Variants in HIVEP3 observed in about 807,000 individuals in gnomAD.
HIVEP3 encodes the protein transcription factor HIVEP3.
A neutral mutation model predicts 152.8 loss-of-function variants in HIVEP3; 49 were observed. The ratio of observed to expected loss-of-function variants is 0.32; its 90% CI spans 0.26 to 0.41. The LOEUF (loss-of-function observed/expected upper bound fraction) is 0.41, where lower values mean the gene tolerates loss of function less well. Ranked by LOEUF, HIVEP3 falls within the 10% of genes least tolerant of loss-of-function variation. The pLI is 1.00. For missense variants in HIVEP3, 2,790 were observed against 3,103.3 expected (o/e 0.90, Z 2.40); for synonymous variants, 1,269 against 1,289.0 (o/e 0.98, Z 0.33).
chr1:41,782,457 G>C (rs1649099614), intron 1 of HIVEP3, among the ~76,000 whole-genome samples: 1 of 152,180 alleles, frequency 6.6e-6, no homozygotes, highest in East Asian at 1.9e-4. Flanking sequence ...AATGGGGCCG[G>C]GCATGGTGGC....
chr1:41,776,880 T>G (rs1180215933), intron 1 of HIVEP3, among the ~76,000 whole-genome samples: 1 of 152,064 alleles, frequency 6.6e-6, no homozygotes, highest in Non-Finnish European at 1.5e-5. Flanking sequence ...TCACTGTGAG[T>G]GTAGTGGGTG....
chr1:41,527,219 C>CACTCCACACCCCGCCCTT, intron 5 of HIVEP3, among the ~76,000 whole-genome samples: 7 of 55,696 alleles, frequency 1.3e-4, no homozygotes, highest in South Asian at 6.5e-4. Context: ...CTCACCCTCA[C>CACTCCACACCCCGCCCTT]ACACTCACCC....
At chr1:42,020,453 G>T (rs1297531045) in intron 1 of HIVEP3, among the ~76,000 whole-genome samples, 1 of 149,762 alleles carries the variant, frequency 6.7e-6, no homozygotes, top group South Asian at 2.2e-4. Context: ...CAGGTTTTTT[G>T]GAATTTGTTT....
Position 41,763,678 on chromosome 1 carries a change from A to G in HIVEP3, c.-800-62683T>C, listed in dbSNP as rs541942360. Among the ~76,000 whole-genome samples the G allele has an allele frequency of 2.0e-5, 3 of 152,380 alleles. No individual in the cohort carries two copies. In the South Asian group the frequency reaches 6.2e-4, roughly 32 times the overall value. The stretch of plus-strand genomic sequence containing the variant: ...TTAGTATGTACAAAATATATCATAT[A>G]GTAATGCTGGAGTACGTTCTCAAAA... On this transcript the variant is annotated intron_variant, in intron 1 of 8. Coordinates refer to ENST00000372583, the MANE Select transcript of HIVEP3 (RefSeq NM_024503.5).
At chr1:42,024,812 A>G (rs1032071729) in intron 1 of HIVEP3, among the ~76,000 whole-genome samples, 2 of 152,188 alleles carry the variant, frequency 1.3e-5, no homozygotes, top group African/African-American at 4.8e-5. Context: ...GGCAAACTCC[A>G]CATTGTTCTT....
At chr1:41,850,903 T>C (rs1219329029) in intron 1 of HIVEP3, among the ~76,000 whole-genome samples, 1 of 152,194 alleles carries the variant, frequency 6.6e-6, no homozygotes, top group Non-Finnish European at 1.5e-5. Context: ...AACTTGGACC[T>C]GTGCTGGTCC....
At chr1:42,027,921 T>C (rs1645591763) in intron 1 of HIVEP3, among the ~76,000 whole-genome samples, 1 of 152,128 alleles carries the variant, frequency 6.6e-6, no homozygotes. Flanking sequence ...CCACAACATG[T>C]GGGAATTCTG....
At chr1:41,525,799 T>A (rs901420164) in intron 5 of HIVEP3, among the ~76,000 whole-genome samples, 6 of 152,120 alleles carry the variant, frequency 3.9e-5, no homozygotes, top group Non-Finnish European at 8.8e-5. Context: ...GAAGCTGTCT[T>A]GTTGGTCTAA....
chr1:41,508,983 C>G lies in HIVEP3; in HGVS notation c.*1468G>C, dbSNP rs1202416994. 2 of 152,246 alleles carry G rather than the reference C, an allele frequency of 1.3e-5. No homozygotes were observed. Among genetic ancestry groups the G allele is most frequent in the African/African-American group, 2.4e-5 (1 of 41,458 alleles). 9.4% of individuals were successfully genotyped at this position (152,246 alleles called of 1,614,324 possible). A position where few individuals can be genotyped will look rare whatever the true frequency, so the allele number is the denominator to read the frequency against. ...CAGTTGGGGCGAACACGCTAGAGTT[C>G]AAGTTCCATAGTTCAATTTGGGATT... On this transcript the variant is annotated 3_prime_UTR_variant, in exon 9 of 9. Transcript: ENST00000372583.
chr1:41,900,946 T>C (rs1644611613), intron 1 of HIVEP3, among the ~76,000 whole-genome samples: 1 of 152,048 alleles, frequency 6.6e-6, no homozygotes, highest in Non-Finnish European at 1.5e-5. Flanking sequence ...TTAGGGCCCA[T>C]GCAAACATTC....
At chr1:41,968,972 G>A (rs1645214072) in intron 1 of HIVEP3, among the ~76,000 whole-genome samples, 4 of 152,070 alleles carry the variant, frequency 2.6e-5, no homozygotes, top group Admixed American at 2.6e-4. Flanking sequence ...GCTACAAAGA[G>A]AATAAAATAT....
intron 2 of HIVEP3, among the ~76,000 whole-genome samples, chr1:41,660,067 C>A (rs1432497973): frequency 6.6e-6 from 1 of 152,010 alleles, no homozygotes; most frequent in African/African-American, 2.4e-5. Flanking sequence ...GTTGTGTGTG[C>A]GAATGAGTGA....
chr1:41,597,356 A>G (rs558417056), intron 3 of HIVEP3, among the ~76,000 whole-genome samples: 1 of 152,320 alleles, frequency 6.6e-6, no homozygotes, highest in African/African-American at 2.4e-5. Flanking sequence ...CCAGACTTGC[A>G]GAGGCCCAGA....
At chr1:41,519,468 G>A (rs1396634636) in intron 6 of HIVEP3, among the ~76,000 whole-genome samples, 1 of 152,238 alleles carries the variant, frequency 6.6e-6, no homozygotes, top group Admixed American at 6.5e-5. Context: ...AAGAACACAG[G>A]CCAGATGCCT....
chr1:41,979,230 G>A (rs1281837963), intron 1 of HIVEP3, among the ~76,000 whole-genome samples: 2 of 152,126 alleles, frequency 1.3e-5, no homozygotes, highest in Non-Finnish European at 2.9e-5. Context: ...TCCACCCTCT[G>A]GCATTCACCC....
intron 5 of HIVEP3, among the ~76,000 whole-genome samples, chr1:41,556,642 G>A (rs977965469): frequency 3.3e-5 from 5 of 152,160 alleles, no homozygotes; most frequent in Non-Finnish European, 7.3e-5. Context: ...TTTTGATGAA[G>A]TCCAAACTTA....
In HIVEP3 at chr1:41,583,982, C is replaced by G. The variant is rs1229641545; in HGVS notation, c.816G>C (p.Glu272Asp). Residue 272 changes from glutamate (E) to aspartate (D), a missense_variant, in exon 4 of 9, where the codon GAG (glutamate) becomes GAC (aspartate). By Grantham distance (45) the Glu-to-Asp change is conservative. Coordinates refer to ENST00000372583, the MANE Select transcript of HIVEP3 (RefSeq NM_024503.5). This position sits in a 1 kb window ranked among gnomAD's most constrained non-coding sequence, Gnocchi z 6.9. ...GLEMERIPGE[E>D]FEEPTEGEST... Reference sequence around the variant, plus strand: ...TTTCTCCCTCAGTGGGCTCCTCAAACTCTTCCCCAGGGATCCGCTCCATCT... The same window carrying G: ...TTTCTCCCTCAGTGGGCTCCTCAAAGTCTTCCCCAGGGATCCGCTCCATCT... 1.9e-6 allele frequency: 3 copies of G among 1,614,094 alleles called. No individual in the cohort carries two copies. The highest frequency in any genetic ancestry group is 2.5e-6 in the Non-Finnish European group (3 of 1,180,046).
chr1:41,793,769 A>G (rs1048700063), intron 1 of HIVEP3, among the ~76,000 whole-genome samples: 1 of 152,260 alleles, frequency 6.6e-6, no homozygotes, highest in Non-Finnish European at 1.5e-5. Context: ...GGGTCTTAGC[A>G]TATAGGCCCT....
intron 5 of HIVEP3, among the ~76,000 whole-genome samples, chr1:41,525,759 C>G (rs1218901818): frequency 1.3e-5 from 2 of 152,174 alleles, no homozygotes; most frequent in Non-Finnish European, 2.9e-5. Context: ...AGGAAACCCA[C>G]GAGTCCCACA....
Sources: gnomAD v4.1 joint callset for allele counts (sites outside exome capture counted in the v4.1 genomes callset) on GRCh38, gnomAD v4.1.1 for gene constraint, Gnocchi (gnomAD v3.1) non-coding constraint, MANE v1.5 for transcripts, NCBI Gene and HGNC (gene_info 2026-07-23, HGNC 2026-07-21) for gene names.